The following UST variants were observed in gnomAD, a reference collection of about 807,000 sequenced individuals.
UST encodes the protein chondroitin sulfate 2-O-sulfotransferase.
UST carries 21 observed loss-of-function variants against 45.6 expected under a neutral mutation model. The observed-to-expected ratio is 0.46, with a 90% confidence interval of 0.33 to 0.66. The LOEUF (loss-of-function observed/expected upper bound fraction) is 0.66, where lower values mean the gene tolerates loss of function less well. Among genes scored for constraint, UST ranks in the 30% least tolerant of loss-of-function variants. UST has a pLI of 0.02. For missense variants in UST, 463 were observed against 512.4 expected, an observed-to-expected ratio of 0.90 and a Z score of 0.93; for synonymous variants, 215 against 200.6, an observed-to-expected ratio of 1.07 and a Z score of -0.61.
chr6:148,844,187 A>G (rs1230275899), intron 1 of UST, among the ~76,000 whole-genome samples: 2 of 152,294 alleles, frequency 1.3e-5, no homozygotes, highest in Middle Eastern at 3.4e-3. Flanking sequence ...AATGAAAATA[A>G]CTTTTATTTA....
chr6:149,065,818 G>A (rs193072134), intron 7 of UST, among the ~76,000 whole-genome samples: 8 of 152,296 alleles, frequency 5.3e-5, no homozygotes, highest in South Asian at 2.1e-4. Context: ...GTTTCTGACC[G>A]CGACATAACC....
intron 1 of UST, among the ~76,000 whole-genome samples, chr6:148,820,296 TTC>T (rs1475012539): frequency 6.6e-6 from 1 of 151,790 alleles, no homozygotes; most frequent in Non-Finnish European, 1.5e-5. Flanking sequence ...CATACTTGTT[TTC>T]TCTCTCTCAA....
At chr6:148,762,927 C>G (rs1438645387) in intron 1 of UST, among the ~76,000 whole-genome samples, 1 of 152,094 alleles carries the variant, frequency 6.6e-6, no homozygotes, top group Non-Finnish European at 1.5e-5. Flanking sequence ...AGTTTCATTC[C>G]CTGACTTTGC....
At chr6:148,843,011 G>A (rs970111617) in intron 1 of UST, among the ~76,000 whole-genome samples, 2 of 152,210 alleles carry the variant, frequency 1.3e-5, no homozygotes, top group African/African-American at 2.4e-5. Flanking sequence ...TTTGAATGTG[G>A]TCTAGGCACC....
intron 2 of UST, among the ~76,000 whole-genome samples, chr6:148,895,886 A>G (rs74400144): frequency 3.9e-5 from 6 of 152,318 alleles, no homozygotes; most frequent in Non-Finnish European, 7.4e-5. Flanking sequence ...CAAAACTACC[A>G]CAAGTTCCTA....
At chr6:148,841,922 A>G (rs916644523) in intron 1 of UST, among the ~76,000 whole-genome samples, 12 of 152,214 alleles carry the variant, frequency 7.9e-5, no homozygotes, top group Admixed American at 1.3e-4. Context: ...CCTGGCCAAC[A>G]TGGAGAAACC....
At chr6:148,932,521 A>T (rs1302157640) in intron 2 of UST, among the ~76,000 whole-genome samples, 2 of 152,006 alleles carry the variant, frequency 1.3e-5, no homozygotes, top group African/African-American at 4.8e-5. Context: ...TCATATGTAT[A>T]TTTTTTTCAT....
At chr6:148,992,139 C>T (rs943916903) in intron 5 of UST, among the ~76,000 whole-genome samples, 1 of 152,164 alleles carries the variant, frequency 6.6e-6, no homozygotes, top group African/African-American at 2.4e-5. Flanking sequence ...AATGTCAACA[C>T]CATCAACAGG....
chr6:149,037,586 G>T (rs1776255998), intron 7 of UST, among the ~76,000 whole-genome samples: 1 of 152,226 alleles, frequency 6.6e-6, no homozygotes, highest in Non-Finnish European at 1.5e-5. Context: ...AATGTGTTCA[G>T]TGGGGCCCCT....
intron 1 of UST, among the ~76,000 whole-genome samples, chr6:148,849,711 AACTC>A (rs1778069123): frequency 6.6e-6 from 1 of 152,100 alleles, no homozygotes; most frequent in African/African-American, 2.4e-5. Flanking sequence ...ATCTTGTGAG[AACTC>A]ACTCACTATC....
intron 7 of UST, chr6:149,032,448 C>T (rs1261570944): frequency 6.5e-6 from 1 of 153,352 alleles, no homozygotes; most frequent in Non-Finnish European, 1.5e-5. Context: ...CACACTGCAT[C>T]CCCAGACACC....
At chr6:149,008,532 G>A (rs1775752421) in intron 5 of UST, among the ~76,000 whole-genome samples, 2 of 152,172 alleles carry the variant, frequency 1.3e-5, no homozygotes, top group African/African-American at 4.8e-5. Context: ...AGAAAAACAA[G>A]GTTGAAACCC....
At chr6:149,053,415 A>G (rs903298765) in intron 7 of UST, among the ~76,000 whole-genome samples, 9 of 152,258 alleles carry the variant, frequency 5.9e-5, no homozygotes, top group African/African-American at 1.9e-4. Flanking sequence ...GTGAATATCA[A>G]TAAGTTTGAA....
At chr6:148,855,666 G>A (rs924484939) in intron 1 of UST, among the ~76,000 whole-genome samples, 3 of 152,192 alleles carry the variant, frequency 2.0e-5, no homozygotes, top group Non-Finnish European at 2.9e-5. Context: ...ATCTTTCCAT[G>A]CACTTGCACA....
chr6:148,955,013 T>C (rs988687845), intron 4 of UST, among the ~76,000 whole-genome samples: 4 of 152,232 alleles, frequency 2.6e-5, no homozygotes, highest in Non-Finnish European at 4.4e-5. Flanking sequence ...TGCTATCTAA[T>C]AGCTGACAGA....
intron 7 of UST, among the ~76,000 whole-genome samples, chr6:149,040,328 A>G (rs189307072): frequency 5.6e-4 from 85 of 152,102 alleles, no homozygotes; most frequent in Non-Finnish European, 7.5e-4. Flanking sequence ...TTTTCCTGCA[A>G]AATGCCTGTA....
chr6:148,835,572 C>T (rs1326278505), intron 1 of UST, among the ~76,000 whole-genome samples: 1 of 152,110 alleles, frequency 6.6e-6, no homozygotes. Context: ...GGTTTTGTCT[C>T]GAAGAGCTCA....
intron 5 of UST, among the ~76,000 whole-genome samples, chr6:149,011,842 C>T (rs2500544): frequency 0.66 from 99,836 of 152,100 alleles, 33,139 homozygotes; most frequent in South Asian, 0.76. Flanking sequence ...GGCATTTCCA[C>T]TTTTATTTTC....
At chr6:148,854,732 G>A (rs1045330497) in intron 1 of UST, among the ~76,000 whole-genome samples, 1 of 152,134 alleles carries the variant, frequency 6.6e-6, no homozygotes, top group African/African-American at 2.4e-5. Context: ...TATGGATGGG[G>A]TGAGATCATG....
Sources: gnomAD v4.1 joint callset for allele counts (sites outside exome capture counted in the v4.1 genomes callset) on GRCh38, gnomAD v4.1.1 for gene constraint, MANE v1.5 for transcripts, NCBI Gene and HGNC (gene_info 2026-07-23, HGNC 2026-07-21) for gene names.